The following UTP20 variants were observed in gnomAD, a reference collection of about 807,000 sequenced individuals.
UTP20 encodes the protein UTP20 small subunit processome component, also known as small subunit processome component 20 homolog.
A neutral mutation model predicts 329.5 loss-of-function variants in UTP20; 164 were observed. The ratio of observed to expected loss-of-function variants is 0.50; its 90% CI spans 0.44 to 0.57. UTP20 has a LOEUF of 0.57. Among genes scored for constraint, UTP20 ranks in the 20% least tolerant of loss-of-function variants. The pLI is 0.00. For synonymous variants in UTP20, 1,151 were observed against 1,159.3 expected (o/e 0.99, Z 0.14); for missense variants, 3,055 against 3,284.2 (o/e 0.93, Z 1.71).
chr12:101,333,535 C>T (rs1593437017), intron 28 of UTP20, 91 bp downstream of exon 28: 1 of 1,472,626 alleles, frequency 6.8e-7, no homozygotes, highest in African/African-American at 1.4e-5. Context: ...GACATGAATG[C>T]TTACCTGGGT....
chr12:101,318,536 G>A (rs1873047655), intron 22 of UTP20, among the ~76,000 whole-genome samples: 1 of 152,086 alleles, frequency 6.6e-6, no homozygotes, highest in South Asian at 2.1e-4. Context: ...AGTTATTGGA[G>A]CACAGTAAGG....
At position 101,319,583 on chromosome 12, in the gene UTP20, C is replaced by T; in HGVS notation, c.2777C>T (p.Ser926Leu). 6.2e-7 allele frequency: 1 copy of T among 1,608,164 alleles called. No individual in the cohort carries two copies. Among genetic ancestry groups the T allele is most frequent in the African/African-American group, 1.3e-5 (1 of 74,740 alleles). The change falls in exon 23 of 62, where the codon TCA becomes TTA. Residue 926 changes from serine to leucine, a missense_variant. Physicochemically the swap from Ser to Leu is moderately radical, Grantham distance 145 (BLOSUM62 -2). Transcript: ENST00000261637. ...CATTTGCAAGTTTTCTCTAAATTTT[C>T]AAATCCACGGGCCTTATATCTGGAA... ...IAHLQVFSKF[S>L]NPRALYLESK...
At chr12:101,371,564 C>T (rs1232025891) in intron 51 of UTP20, among the ~76,000 whole-genome samples, 22 of 128,426 alleles carry the variant, frequency 1.7e-4, no homozygotes, top group Non-Finnish European at 2.7e-4. Context: ...CGGAGTCTCA[C>T]TCTGTCACCA....
chr12:101,333,288 CT>C lies in UTP20; in HGVS notation c.3418-10del. 1 of 1,610,272 alleles carries C rather than the reference CT, an allele frequency of 6.2e-7. No homozygotes were observed. Among genetic ancestry groups the C allele is most frequent in the Non-Finnish European group, 8.5e-7 (1 of 1,178,648 alleles). On this transcript the variant is annotated splice_polypyrimidine_tract_variant and intron_variant, in intron 27 of 61. Coordinates refer to ENST00000261637, the MANE Select transcript of UTP20 (RefSeq NM_014503.3). ...CATATGTATTTTTTGAACAGAAGAT[CT>C]TTGTTTTACAGATACAGCTGAGATT... is the stretch of plus-strand genomic sequence containing the variant.
chr12:101,376,141 T>G (rs1386308920), intron 56 of UTP20, among the ~76,000 whole-genome samples: 3 of 152,218 alleles, frequency 2.0e-5, no homozygotes, highest in Admixed American at 6.5e-5. Flanking sequence ...CAGTCTTTCT[T>G]TTTGTTCAGT....
At chr12:101,280,565 T>C (rs1172654722) in intron 1 of UTP20, among the ~76,000 whole-genome samples, 1 of 152,224 alleles carries the variant, frequency 6.6e-6, no homozygotes, top group Non-Finnish European at 1.5e-5. Flanking sequence ...GAATTTCCTG[T>C]AGTCCAGAAT....
intron 15 of UTP20, among the ~76,000 whole-genome samples, chr12:101,305,608 A>T (rs1872624721): frequency 7.5e-6 from 1 of 133,482 alleles, no homozygotes; most frequent in African/African-American, 3.4e-5. Context: ...TAAATAATAA[A>T]TATTATATAT....
chr12:101,283,137 T>A (rs1871852535), intron 2 of UTP20, among the ~76,000 whole-genome samples: 1 of 152,208 alleles, frequency 6.6e-6, no homozygotes, highest in African/African-American at 2.4e-5. Flanking sequence ...AATTACAGAT[T>A]TGGCATTTAG....
At chr12:101,329,578 C>G in intron 27 of UTP20, 129 bp downstream of exon 27, 2 of 856,194 alleles carry the variant, frequency 2.3e-6, no homozygotes, top group East Asian at 5.4e-5. Flanking sequence ...GAACAAAGCC[C>G]AAAATTGTAA....
At chr12:101,303,897 G>T (rs1357125364) in intron 15 of UTP20, among the ~76,000 whole-genome samples, 1 of 152,158 alleles carries the variant, frequency 6.6e-6, no homozygotes, top group African/African-American at 2.4e-5. Context: ...CTGTAGAGAG[G>T]ATTAGTTCTT....
In UTP20 at chr12:101,373,780, T is replaced by G. The variant is rs1285069771; in HGVS notation, c.7131+13T>G. 6.2e-7 allele frequency: 1 copy of G among 1,607,538 alleles called. No individual in the cohort carries two copies. Among genetic ancestry groups the G allele is most frequent in the African/African-American group, 1.3e-5 (1 of 74,566 alleles). On this transcript the variant is annotated intron_variant, in intron 54 of 61. Transcript: ENST00000261637. ...TGGAGCAAAAAAGGTGTGCGTTGCT[T>G]TTAGTCACAGTTCAGTGACAAGTCT...
chr12:101,309,394 G>C lies in UTP20; in HGVS notation c.2155-369G>C. ...AGTCATTCACAGCATGTTTCCTTGC[G>C]TTCTTCGGCATGTGTGCATTTCTGA... On this transcript the variant is annotated intron_variant, in intron 18 of 61. Coordinates refer to ENST00000261637, the MANE Select transcript of UTP20 (RefSeq NM_014503.3). 1.3e-5 allele frequency among the ~76,000 whole-genome samples: 2 copies of C among 152,242 alleles called. 1 individual carries two copies. The highest frequency in any genetic ancestry group is 4.2e-4 in the South Asian group (2 of 4,818).
At chr12:101,335,923 G>A (rs911200883) in intron 29 of UTP20, among the ~76,000 whole-genome samples, 4 of 152,172 alleles carry the variant, frequency 2.6e-5, no homozygotes, top group African/African-American at 9.7e-5. Context: ...CTTGAGAAAT[G>A]TTGTATAGTT....
At chr12:101,359,501 G>GTGTA (rs369609654) in intron 43 of UTP20, among the ~76,000 whole-genome samples, 6 of 147,800 alleles carry the variant, frequency 4.1e-5, no homozygotes, top group East Asian at 2.0e-4. Context: ...ATGTGTGTGT[G>GTGTA]TATATATATA....
In UTP20 at chr12:101,329,370, G is replaced by A. The variant is rs757315993; in HGVS notation, c.3338G>A (p.Ser1113Asn). The change falls in exon 27 of 62, where the codon AGC (serine) becomes AAC (asparagine). Residue 1113 changes from serine (S) to asparagine (N), a missense_variant. This residue lies in a region of UTP20 where 2,445 missense variants were observed against 2,575.5 expected (regional missense o/e 0.95). Coordinates refer to ENST00000261637, the MANE Select transcript of UTP20 (RefSeq NM_014503.3). ...IVLKNISHLISAYLPKILQIL... is the reference protein window; with the variant it reads ...IVLKNISHLINAYLPKILQIL... ...TTGAAAAACATTAGTCATCTGATCAGCGCATACCTGCCGAAGATTTTGCAG... is the reference window on the plus strand; with the variant it reads ...TTGAAAAACATTAGTCATCTGATCAACGCATACCTGCCGAAGATTTTGCAG... 6 of 1,613,912 alleles carry A rather than the reference G, an allele frequency of 3.7e-6. No individual in the cohort carries two copies. In the Admixed American group the frequency reaches 1.0e-4, roughly 27 times the overall value.
intron 2 of UTP20, among the ~76,000 whole-genome samples, chr12:101,282,509 C>T (rs1871833755): frequency 6.6e-6 from 1 of 151,816 alleles, no homozygotes; most frequent in Admixed American, 6.6e-5. Context: ...AAGGGGGCAA[C>T]TGGTGAGATA....
At chr12:101,375,482 A>ATT (rs1870442675) in intron 55 of UTP20, 142 bp from the exon 56 acceptor site, 1 of 781,368 alleles carries the variant, frequency 1.3e-6, no homozygotes, top group South Asian at 1.7e-5. Context: ...GGCAGCCCCC[A>ATT]CAGGAAAGGA....
At position 101,320,842 on chromosome 12, in the gene UTP20, C is replaced by T; in HGVS notation, c.2830-10C>T. 1 of 1,602,294 alleles carries T rather than the reference C, an allele frequency of 6.2e-7. No individual in the cohort carries two copies. The highest frequency in any genetic ancestry group is 8.5e-7 in the Non-Finnish European group (1 of 1,176,284). ...ATGACTTCATTAATTCTGTAAAATA[C>T]TGTTCTTAGTTGTTGCTACACCAAG... On this transcript the variant is annotated splice_polypyrimidine_tract_variant and intron_variant, in intron 23 of 61. Transcript: ENST00000261637.
intron 7 of UTP20, 101 bp downstream of exon 7, chr12:101,290,375 C>T (rs1165244468): frequency 7.3e-7 from 1 of 1,365,398 alleles, no homozygotes; most frequent in Non-Finnish European, 9.8e-7. Flanking sequence ...GCCTAGAGTA[C>T]ATAGCACTAG....
Sources: gnomAD v4.1 joint callset for allele counts (sites outside exome capture counted in the v4.1 genomes callset) on GRCh38, gnomAD v4.1.1 for gene constraint, gnomAD v4.1.1 regional missense constraint, MANE v1.5 for transcripts, NCBI Gene and HGNC (gene_info 2026-07-23, HGNC 2026-07-21) for gene names.